FUT8: variants seen among roughly 807,000 people sequenced by gnomAD.
FUT8 encodes the protein alpha-(1,6)-fucosyltransferase.
In FUT8, 29 loss-of-function variants were observed where a neutral mutation model predicts 71.3. The ratio of observed to expected loss-of-function variants is 0.41; its 90% confidence interval spans 0.30 to 0.55. The LOEUF (loss-of-function observed/expected upper bound fraction) is 0.55. Ranked by LOEUF, FUT8 falls within the 20% of genes least tolerant of loss-of-function variation. The pLI is 0.34. For missense variants in FUT8, 544 were observed against 702.1 expected (o/e 0.77, Z 2.55); for synonymous variants, 254 against 239.3 (o/e 1.06, Z -0.57).
intron 6 of FUT8, among the ~76,000 whole-genome samples, chr14:65,655,529 C>T (rs1233815035): frequency 6.7e-6 from 1 of 148,714 alleles, no homozygotes; most frequent in African/African-American, 2.5e-5. Flanking sequence ...ACAGAATAGA[C>T]TTCAGAGCAA....
chr14:65,737,573 A>G (rs1566924948), intron 10 of FUT8, among the ~76,000 whole-genome samples: 1 of 152,142 alleles, frequency 6.6e-6, no homozygotes, highest in Non-Finnish European at 1.5e-5. Flanking sequence ...CCAGTTGTAG[A>G]TAGGCACAGT....
At position 65,506,651 on chromosome 14, in the gene FUT8, C is replaced by T. The variant is rs79916088; in HGVS notation, c.-228+50933C>T. 4.9e-3 allele frequency among the ~76,000 whole-genome samples: 744 copies of T among 152,050 alleles called. 8 individuals carry two copies. Among genetic ancestry groups the T allele is most frequent in the African/African-American group, 0.017 (705 of 41,474 alleles). ...TAAAAAAATGTATTTTTAATTTTCG[C>T]GGGTACATAGTAGGTATATGTATTT... On this transcript the variant is annotated intron_variant, in intron 2 of 10. Coordinates refer to ENST00000673929, the MANE Select transcript of FUT8 (RefSeq NM_001371533.1).
At chr14:65,515,454 T>C (rs1338624255) in intron 2 of FUT8, among the ~76,000 whole-genome samples, 2 of 151,940 alleles carry the variant, frequency 1.3e-5, no homozygotes, top group Admixed American at 1.3e-4. Context: ...CATACCTTTT[T>C]CTTTGCTTTT....
intron 3 of FUT8, among the ~76,000 whole-genome samples, chr14:65,593,453 T>A (rs1887796265): frequency 6.6e-6 from 1 of 152,244 alleles, no homozygotes. Flanking sequence ...TGTTTCATAG[T>A]GTATAGATAC....
intron 5 of FUT8, among the ~76,000 whole-genome samples, chr14:65,623,101 A>G (rs932652246): frequency 1.3e-5 from 2 of 151,700 alleles, no homozygotes; most frequent in East Asian, 3.9e-4. Context: ...ATGGTGCCCA[A>G]CTCGGTCTTG....
chr14:65,383,402 G>A, the FUT8 span, among the ~76,000 whole-genome samples: 2 of 150,404 alleles, frequency 1.3e-5, no homozygotes, highest in African/African-American at 2.4e-5. Context: ...AGCCTCTCAC[G>A]TGGCTGGAAC....
intron 3 of FUT8, among the ~76,000 whole-genome samples, chr14:65,592,536 G>A (rs576612857): frequency 1.3e-5 from 2 of 152,182 alleles, no homozygotes; most frequent in East Asian, 3.9e-4. Flanking sequence ...GGCAAAAGAA[G>A]ACTCTACCAG....
At chr14:65,655,115 G>A (rs568041487) in intron 6 of FUT8, among the ~76,000 whole-genome samples, 1 of 151,594 alleles carries the variant, frequency 6.6e-6, no homozygotes, top group Non-Finnish European at 1.5e-5. Context: ...CACATATAAC[G>A]ATATAGGTAG....
At position 65,744,021 on chromosome 14, in the gene FUT8, CTCAAG is replaced by C. The variant is rs761351406; in HGVS notation, c.*1617_*1621del. On this transcript the variant is annotated 3_prime_UTR_variant, in exon 11 of 11. Coordinates refer to ENST00000673929, the MANE Select transcript of FUT8 (RefSeq NM_001371533.1). ...CACCAAACTTAACTAAATTCTTTTT[CTCAAG>C]TCAAGCCTCCCAAAGAAAAAAGAAA... 1 of 151,818 alleles carries C rather than the reference CTCAAG, an allele frequency of 6.6e-6. No homozygotes were observed. Among genetic ancestry groups the C allele is most frequent in the African/African-American group, 2.4e-5 (1 of 41,384 alleles). The allele number at this position is 151,818 out of a possible 1,614,324, so 9.4% of individuals were successfully genotyped here.
intron 6 of FUT8, among the ~76,000 whole-genome samples, chr14:65,650,720 A>AC (rs1566875499): frequency 7.6e-5 from 10 of 131,298 alleles, no homozygotes; most frequent in Non-Finnish European, 1.3e-4. Context: ...AAAAAAAAAA[A>AC]AAAAAAAAAC....
At chr14:65,585,123 C>T (rs2140124239) in intron 3 of FUT8, among the ~76,000 whole-genome samples, 1 of 151,874 alleles carries the variant, frequency 6.6e-6, no homozygotes, top group South Asian at 2.1e-4. Flanking sequence ...TGCATTTGCC[C>T]CCTCCCCATT....
At chr14:65,486,050 C>T (rs2066405289) in intron 2 of FUT8, among the ~76,000 whole-genome samples, 1 of 152,092 alleles carries the variant, frequency 6.6e-6, no homozygotes, top group Non-Finnish European at 1.5e-5. Flanking sequence ...TATTTTTAAC[C>T]CCATTATTTT....
At chr14:65,494,351 T>G (rs1338563701) in intron 2 of FUT8, among the ~76,000 whole-genome samples, 2 of 152,160 alleles carry the variant, frequency 1.3e-5, no homozygotes, top group African/African-American at 4.8e-5. Flanking sequence ...CTAACCACAT[T>G]TCATATGGCT....
At chr14:65,361,506 G>A in the FUT8 span, among the ~76,000 whole-genome samples, 7 of 147,762 alleles carry the variant, frequency 4.7e-5, no homozygotes, top group Non-Finnish European at 7.4e-5. Context: ...AATAGACTAT[G>A]GCCGGGTGCG....
At chr14:65,648,187 G>T (rs1003573795) in intron 6 of FUT8, among the ~76,000 whole-genome samples, 1 of 152,186 alleles carries the variant, frequency 6.6e-6, no homozygotes, top group Non-Finnish European at 1.5e-5. Flanking sequence ...GACAGAAAAT[G>T]TACAGCCTGC....
chr14:65,477,197 T>C (rs1018582359), intron 2 of FUT8, among the ~76,000 whole-genome samples: 1 of 152,218 alleles, frequency 6.6e-6, no homozygotes, highest in South Asian at 2.1e-4. Context: ...TTAAGATCTG[T>C]GCAACCTTGA....
intron 2 of FUT8, chr14:65,516,099 G>A (rs941520656): frequency 6.6e-6 from 1 of 151,966 alleles, no homozygotes; most frequent in East Asian, 1.9e-4. Context: ...AGGAATTTGA[G>A]GATGTTGTGT....
At chr14:65,672,805 A>C (rs1892532997) in intron 7 of FUT8, among the ~76,000 whole-genome samples, 1 of 152,210 alleles carries the variant, frequency 6.6e-6, no homozygotes, top group South Asian at 2.1e-4. Flanking sequence ...TGACTATTTT[A>C]GGCTATATAT....
intron 2 of FUT8, among the ~76,000 whole-genome samples, chr14:65,523,096 G>A (rs867556392): frequency 1.5e-4 from 23 of 152,218 alleles, no homozygotes; most frequent in Middle Eastern, 3.4e-3. Flanking sequence ...CCCAGTAATG[G>A]GATGGCTGGG....
Sources: allele counts gnomAD v4.1 joint callset (sites outside exome capture counted in the v4.1 genomes callset), GRCh38; gene constraint gnomAD v4.1.1; transcripts MANE v1.5; gene names NCBI Gene and HGNC (gene_info 2026-07-23, HGNC 2026-07-21).